Variants in ARHGEF12 observed in about 807,000 individuals in gnomAD.
ARHGEF12 encodes the protein Rho guanine nucleotide exchange factor 12.
ARHGEF12 carries 66 observed loss-of-function variants against 211.2 expected under a neutral mutation model. That is an observed-to-expected ratio of 0.31 (90% CI 0.26 to 0.38). ARHGEF12 has a LOEUF of 0.38. Among genes scored for constraint, ARHGEF12 ranks in the 10% least tolerant of loss-of-function variants. The pLI, the probability that ARHGEF12 is intolerant of heterozygous loss-of-function variation, is 1.00. For missense variants in ARHGEF12, 1,429 were observed against 1,869.5 expected (o/e 0.76, Z 4.34); for synonymous variants, 592 against 638.4 (o/e 0.93, Z 1.09).
chr11:120,475,061 T>A (rs1271339254), intron 32 of ARHGEF12, among the ~76,000 whole-genome samples: 1 of 152,090 alleles, frequency 6.6e-6, no homozygotes, highest in African/African-American at 2.4e-5. Context: ...GCTTAAGGGA[T>A]CCTCCTGCCT....
At chr11:120,403,369 T>A (rs1944597392) in intron 1 of ARHGEF12, among the ~76,000 whole-genome samples, 2 of 152,058 alleles carry the variant, frequency 1.3e-5, no homozygotes, top group African/African-American at 4.8e-5. Flanking sequence ...TAGCTGGGCA[T>A]GGTGGCACGC....
chr11:120,341,063 A>G (rs1391418532), intron 1 of ARHGEF12, among the ~76,000 whole-genome samples: 2 of 152,040 alleles, frequency 1.3e-5, no homozygotes, highest in South Asian at 2.1e-4. Flanking sequence ...TCGAGTTAAC[A>G]TGTAGGTTTT....
intron 40 of ARHGEF12, 145 bp downstream of exon 40, chr11:120,484,652 C>T: frequency 1.3e-6 from 1 of 746,238 alleles, no homozygotes; most frequent in South Asian, 1.9e-5. Context: ...CATCAGATAT[C>T]AAGCGGAAGC....
At chr11:120,482,431 A>G (rs2136016684) in intron 39 of ARHGEF12, among the ~76,000 whole-genome samples, 1 of 152,254 alleles carries the variant, frequency 6.6e-6, no homozygotes, top group East Asian at 1.9e-4. Flanking sequence ...GGCAATTTCC[A>G]AGAGAAAGAC....
chr11:120,426,866 TTTTG>T (rs1470621302), intron 7 of ARHGEF12, among the ~76,000 whole-genome samples: 1 of 95,596 alleles, frequency 1.0e-5, no homozygotes, highest in Non-Finnish European at 2.1e-5. Context: ...TGGTGTTTTT[TTTTG>T]TTTTTGTTTT....
chr11:120,453,018 C>CAAA (rs370822027), intron 22 of ARHGEF12, among the ~76,000 whole-genome samples: 1 of 146,970 alleles, frequency 6.8e-6, no homozygotes. Context: ...AAAACAAAAA[C>CAAA]AAAAAAAAAC....
Position 120,372,295 on chromosome 11 carries a change from T to C in ARHGEF12, c.33-33823T>C, listed in dbSNP as rs144745557. 2.7e-3 allele frequency among the ~76,000 whole-genome samples: 409 copies of C among 152,310 alleles called. 7 individuals carry two copies. The highest frequency in any genetic ancestry group is 0.02 in the Admixed American group (304 of 15,294). On this transcript the variant is annotated intron_variant, in intron 1 of 40. Coordinates refer to ENST00000397843, the MANE Select transcript of ARHGEF12 (RefSeq NM_015313.3). ...CAGTCTGAGTTTGATTAGAACTGTTTACTCTCTGATCTCCTCTGATCTTTT... is the reference window on the plus strand; with the variant it reads ...CAGTCTGAGTTTGATTAGAACTGTTCACTCTCTGATCTCCTCTGATCTTTT...
intron 1 of ARHGEF12, among the ~76,000 whole-genome samples, chr11:120,379,540 A>G (rs926332883): frequency 1.3e-4 from 20 of 151,342 alleles, no homozygotes; most frequent in African/African-American, 3.9e-4. Context: ...TCCATACTCT[A>G]TCAGTTTGGG....
At chr11:120,456,263 G>A (rs1412152796) in intron 22 of ARHGEF12, among the ~76,000 whole-genome samples, 1 of 152,124 alleles carries the variant, frequency 6.6e-6, no homozygotes, top group African/African-American at 2.4e-5. Context: ...TAGAAGGAAG[G>A]AAATACAATT....
chr11:120,345,954 T>C (rs2135264317), intron 1 of ARHGEF12, among the ~76,000 whole-genome samples: 1 of 152,178 alleles, frequency 6.6e-6, no homozygotes, highest in African/African-American at 2.4e-5. Flanking sequence ...GAAAAATAAA[T>C]GGCCCAAATG....
chr11:120,394,015 T>C (rs1944297417), intron 1 of ARHGEF12, among the ~76,000 whole-genome samples: 1 of 151,944 alleles, frequency 6.6e-6, no homozygotes. Context: ...CAATAAAAGA[T>C]CTCTGGAAAG....
At chr11:120,368,769 G>A (rs1943504878) in intron 1 of ARHGEF12, among the ~76,000 whole-genome samples, 1 of 151,916 alleles carries the variant, frequency 6.6e-6, no homozygotes, top group South Asian at 2.1e-4. Flanking sequence ...GGGTACATGT[G>A]CAGGTTTGTT....
intron 1 of ARHGEF12, among the ~76,000 whole-genome samples, chr11:120,370,513 A>T (rs1018964265): frequency 6.6e-6 from 1 of 150,946 alleles, no homozygotes; most frequent in Non-Finnish European, 1.5e-5. Context: ...TAAAAGTTTT[A>T]TTTTTTTTTA....
chr11:120,485,007 T>C, intron 40 of ARHGEF12, 60 bp from the exon 41 acceptor site: 1 of 1,557,500 alleles, frequency 6.4e-7, no homozygotes, highest in Non-Finnish European at 8.8e-7. Context: ...TGGGTATTCT[T>C]TGCAATGTTA....
At chr11:120,420,904 A>C in intron 5 of ARHGEF12, 53 bp downstream of exon 5, 3 of 1,486,970 alleles carry the variant, frequency 2.0e-6, no homozygotes, top group South Asian at 1.2e-5. Context: ...TAAGAATAGA[A>C]AAGCTTAAAT....
At chr11:120,435,242 G>A (rs1023231913) in intron 11 of ARHGEF12, among the ~76,000 whole-genome samples, 3 of 151,810 alleles carry the variant, frequency 2.0e-5, no homozygotes, top group African/African-American at 7.3e-5. Flanking sequence ...TGAGTCAGAT[G>A]TTCAGTAAAA....
Position 120,458,178 on chromosome 11 carries a change from G to A in ARHGEF12, c.2324G>A (p.Arg775Gln), listed in dbSNP as rs375027951. 1.9e-6 allele frequency: 3 copies of A among 1,613,192 alleles called. No homozygotes were observed. Among genetic ancestry groups the A allele is most frequent in the East Asian group, 2.2e-5 (1 of 44,864 alleles). ...CCCAACTGGCAGCAGCTTGTTAGTC[G>A]AGAAGTGTTACTGGGACTAAAACCT... ...DPPNWQQLVS[R>Q]EVLLGLKPCE... The change falls in exon 25 of 41, where the codon CGA becomes CAA. Residue 775 changes from arginine (R) to glutamine (Q), a missense_variant. Physicochemically the swap from Arg to Gln is conservative, Grantham distance 43. Around this residue, in one of 7 missense-constraint regions of ARHGEF12, gnomAD observed 373 missense variants for 467.5 expected, o/e 0.80. Coordinates refer to ENST00000397843, the MANE Select transcript of ARHGEF12 (RefSeq NM_015313.3).
intron 1 of ARHGEF12, among the ~76,000 whole-genome samples, chr11:120,370,985 A>T (rs569696282): frequency 2.8e-4 from 43 of 152,326 alleles, no homozygotes; most frequent in African/African-American, 1.0e-3. Flanking sequence ...TCCTTCAAGA[A>T]TTATATGATA....
chr11:120,474,728 TTC>T, intron 32 of ARHGEF12, 93 bp downstream of exon 32: 1 of 946,882 alleles, frequency 1.1e-6, no homozygotes, highest in Non-Finnish European at 1.6e-6. Context: ...GAGAGAACCA[TTC>T]TCTCAGCAGT....
Sources: gnomAD v4.1 joint callset for allele counts (sites outside exome capture counted in the v4.1 genomes callset) on GRCh38, gnomAD v4.1.1 for gene constraint, gnomAD v4.1.1 regional missense constraint, MANE v1.5 for transcripts, NCBI Gene and HGNC (gene_info 2026-07-23, HGNC 2026-07-21) for gene names.